C12orf42: variants seen among roughly 807,000 people sequenced by gnomAD.
C12orf42 encodes the protein uncharacterized protein C12orf42.
Under a neutral mutation model 21.6 loss-of-function variants are expected in C12orf42, and 25 were observed. The observed-to-expected ratio is 1.16, with a 90% CI of 0.84 to 1.62. The LOEUF is 1.62. C12orf42 is among the 40% of genes most tolerant of loss of function. C12orf42 has a pLI of 0.00. For missense variants in C12orf42, 483 were observed against 459.3 expected, an observed-to-expected ratio of 1.05 and a Z score of -0.47; for synonymous variants, 174 against 175.0, an observed-to-expected ratio of 0.99 and a Z score of 0.05.
the C12orf42 span, among the ~76,000 whole-genome samples, chr12:103,182,608 G>A: frequency 3.3e-5 from 5 of 152,218 alleles, no homozygotes; most frequent in South Asian, 1.0e-3. Context: ...ACCACTAGGG[G>A]TTTTACTAAT....
At chr12:103,453,411 A>G (rs959114633) in intron 2 of C12orf42, among the ~76,000 whole-genome samples, 28 of 151,786 alleles carry the variant, frequency 1.8e-4, no homozygotes, top group Non-Finnish European at 3.5e-4. Flanking sequence ...TTTTTCATTC[A>G]TAATATTATT....
chr12:103,453,836 T>G (rs768335164), intron 2 of C12orf42, among the ~76,000 whole-genome samples: 3 of 152,168 alleles, frequency 2.0e-5, no homozygotes, highest in Non-Finnish European at 4.4e-5. Context: ...CAATGGCTTA[T>G]CTCTTAAACA....
downstream of C12orf42, among the ~76,000 whole-genome samples, chr12:103,299,330 A>G (rs76251004): frequency 0.048 from 7,313 of 151,782 alleles, 544 homozygotes; most frequent in African/African-American, 0.16. Flanking sequence ...AGTACAATAC[A>G]CAATAAATAT....
chr12:103,487,913 T>C (rs1954943517), intron 1 of C12orf42, among the ~76,000 whole-genome samples: 1 of 152,246 alleles, frequency 6.6e-6, no homozygotes, highest in Admixed American at 6.5e-5. Flanking sequence ...TTATCCAATT[T>C]GCCAGTCTGT....
At chr12:103,477,178 T>A (rs1230690819) in intron 2 of C12orf42, among the ~76,000 whole-genome samples, 1 of 151,508 alleles carries the variant, frequency 6.6e-6, no homozygotes, top group African/African-American at 2.4e-5. Flanking sequence ...CACAGAGGAG[T>A]GGGAAGTGTT....
intron 2 of C12orf42, among the ~76,000 whole-genome samples, chr12:103,428,445 T>C (rs913657407): frequency 6.6e-6 from 1 of 152,120 alleles, no homozygotes; most frequent in African/African-American, 2.4e-5. Context: ...AATAGACCAA[T>C]AACAAGTTCT....
the C12orf42 span, among the ~76,000 whole-genome samples, chr12:103,136,705 A>G: frequency 6.6e-6 from 1 of 152,242 alleles, no homozygotes; most frequent in Non-Finnish European, 1.5e-5. Context: ...GGAACAGAGT[A>G]CACAATCCAG....
the C12orf42 span, among the ~76,000 whole-genome samples, chr12:103,105,225 G>C: frequency 1.3e-5 from 2 of 152,106 alleles, no homozygotes; most frequent in African/African-American, 4.8e-5. Flanking sequence ...ATGATCCACT[G>C]TAAGGGAGAA....
chr12:103,140,152 G>A, the C12orf42 span, among the ~76,000 whole-genome samples: 1 of 152,174 alleles, frequency 6.6e-6, no homozygotes, highest in Admixed American at 6.5e-5. Flanking sequence ...AGATCGGGGT[G>A]TCATCTTTAT....
At chr12:103,238,049 A>G (rs1354471326) in intron 10 of C12orf42, 3 of 152,212 alleles carry the variant, frequency 2.0e-5, no homozygotes, top group African/African-American at 7.2e-5. Flanking sequence ...GCCACTACAG[A>G]AAGACAAATC....
chr12:103,425,164 G>C (rs1171346095), intron 2 of C12orf42, among the ~76,000 whole-genome samples: 3 of 152,188 alleles, frequency 2.0e-5, no homozygotes, highest in African/African-American at 7.2e-5. Context: ...GGGAATCTCT[G>C]AAAGAAAGGC....
At position 103,437,999 on chromosome 12, in the gene C12orf42, A is replaced by T. The variant is rs202026598; in HGVS notation, c.79-36324T>A. Among the ~76,000 whole-genome samples, 1,756 of 151,132 alleles carry T rather than the reference A, an allele frequency of 0.012. 183 individuals carry two copies. In the East Asian group the frequency reaches 0.25, roughly 21 times the overall value. ...TATCCCTGATGAGCATCGATGCAAA[A>T]ATCCTCAATAAAATACTGGCAAACC... On this transcript the variant is annotated intron_variant, in intron 2 of 5. Coordinates refer to ENST00000548883, the MANE Select transcript of C12orf42 (RefSeq NM_198521.5).
chr12:103,487,670 T>A (rs778953688), intron 1 of C12orf42, among the ~76,000 whole-genome samples: 17 of 152,244 alleles, frequency 1.1e-4, no homozygotes. Context: ...TTAGGGTAGT[T>A]AGCTCTTCTT....
At chr12:103,480,486 T>C (rs1954387488) in intron 1 of C12orf42, among the ~76,000 whole-genome samples, 3 of 151,708 alleles carry the variant, frequency 2.0e-5, no homozygotes. Flanking sequence ...TTCTCTTTCC[T>C]ATACATTTTG....
the C12orf42 span, among the ~76,000 whole-genome samples, chr12:103,131,166 A>G: frequency 7.4e-4 from 112 of 152,322 alleles, no homozygotes; most frequent in African/African-American, 2.6e-3. Flanking sequence ...AGTGGAACCT[A>G]TGCCACAGTA....
At chr12:103,388,253 G>A (rs1010789381) in intron 3 of C12orf42, among the ~76,000 whole-genome samples, 2 of 152,062 alleles carry the variant, frequency 1.3e-5, no homozygotes, top group Non-Finnish European at 2.9e-5. Flanking sequence ...TTTCTGCTTT[G>A]ATCTCTCTCC....
At chr12:103,263,132 C>T (rs1461676375) in intron 10 of C12orf42, among the ~76,000 whole-genome samples, 1 of 151,816 alleles carries the variant, frequency 6.6e-6, no homozygotes, top group Non-Finnish European at 1.5e-5. Flanking sequence ...GGGGGAATAT[C>T]ACACACCAGG....
the C12orf42 span, among the ~76,000 whole-genome samples, chr12:103,222,149 C>G: frequency 1.9e-4 from 29 of 152,142 alleles, no homozygotes; most frequent in Admixed American, 5.9e-4. Flanking sequence ...CCACCAAACA[C>G]GCTTTGTGTG....
At chr12:103,334,091 T>C (rs1224892286) in intron 4 of C12orf42, among the ~76,000 whole-genome samples, 1 of 152,216 alleles carries the variant, frequency 6.6e-6, no homozygotes, top group African/African-American at 2.4e-5. Context: ...CACCTCCTTT[T>C]TCCATATTGT....
Sources: allele counts gnomAD v4.1 joint callset (sites outside exome capture counted in the v4.1 genomes callset), GRCh38; gene constraint gnomAD v4.1.1; transcripts MANE v1.5; gene names NCBI Gene and HGNC (gene_info 2026-07-23, HGNC 2026-07-21).